The following SLC9A9 variants were observed in gnomAD, a reference collection of about 807,000 sequenced individuals.
SLC9A9 encodes solute carrier family 9 member A9.
Under a neutral mutation model 77.8 loss-of-function variants are expected in SLC9A9, and 62 were observed. The observed-to-expected ratio is 0.80, with a 90% CI of 0.65 to 0.98. The LOEUF (loss-of-function observed/expected upper bound fraction) is 0.98. SLC9A9 is among the 50% of genes least tolerant of loss of function. SLC9A9 has a pLI of 0.00. For synonymous variants in SLC9A9, 320 were observed against 283.5 expected (o/e 1.13, Z -1.29); for missense variants, 775 against 774.9 (o/e 1.00, Z 0.00).
chr3:143,538,286 AG>A (rs2036627378), intron 9 of SLC9A9, among the ~76,000 whole-genome samples: 1 of 152,202 alleles, frequency 6.6e-6, no homozygotes, highest in Non-Finnish European at 1.5e-5. Context: ...GCTTGGATGA[AG>A]CAAAAGACCC....
intron 14 of SLC9A9, among the ~76,000 whole-genome samples, chr3:143,337,869 G>T (rs1307990785): frequency 6.6e-5 from 10 of 152,184 alleles, no homozygotes; most frequent in African/African-American, 2.4e-4. Flanking sequence ...AAGAGCATCT[G>T]CCTGGGTTCT....
At chr3:143,820,678 G>A (rs2009143013) in intron 2 of SLC9A9, among the ~76,000 whole-genome samples, 1 of 152,204 alleles carries the variant, frequency 6.6e-6, no homozygotes, top group Non-Finnish European at 1.5e-5. Flanking sequence ...ACAGGTGCAA[G>A]TGAGAAGAGC....
At chr3:143,481,536 T>A (rs903821135) in intron 11 of SLC9A9, among the ~76,000 whole-genome samples, 5 of 152,022 alleles carry the variant, frequency 3.3e-5, no homozygotes, top group Admixed American at 6.5e-5. Context: ...TCTAGGAGGG[T>A]CTAAAGCCAA....
chr3:143,393,373 G>C (rs1173453619), intron 12 of SLC9A9, among the ~76,000 whole-genome samples: 1 of 152,190 alleles, frequency 6.6e-6, no homozygotes, highest in East Asian at 1.9e-4. Context: ...GGAAATGAAG[G>C]CAGAAATAAA....
chr3:143,574,181 T>C lies in SLC9A9; in HGVS notation c.907A>G (p.Thr303Ala). 1 of 1,613,186 alleles carries C rather than the reference T, an allele frequency of 6.2e-7. No individual in the cohort carries two copies. The highest frequency in any genetic ancestry group is 1.1e-5 in the South Asian group (1 of 91,052). Reference sequence around the variant, plus strand: ...AGCATCGGGAACTCACACAGCTTGGTAAATTTGGTCAAGTGAGGAAGATAA... The same window carrying C: ...AGCATCGGGAACTCACACAGCTTGGCAAATTTGGTCAAGTGAGGAAGATAA... Reference protein sequence around the residue: ...AIITALLTKFTKLCEFPMLET... With the variant: ...AIITALLTKFAKLCEFPMLET... The change falls in exon 8 of 16, where the codon ACC (threonine) becomes GCC (alanine). Residue 303 changes from threonine to alanine, a missense_variant. Thr to Ala is a moderately conservative substitution (Grantham distance 58). Coordinates refer to ENST00000316549, the MANE Select transcript of SLC9A9 (RefSeq NM_173653.4).
At position 143,514,965 on chromosome 3, in the gene SLC9A9, C is replaced by A. The variant is rs547261495; in HGVS notation, c.1090-19517G>T. ...TTGTGCAAGAGACCTAGCTTTCGGC[C>A]TGTCCTGCCTTTTGACATGCCTTCC... On this transcript the variant is annotated intron_variant, in intron 9 of 15. Coordinates refer to ENST00000316549, the MANE Select transcript of SLC9A9 (RefSeq NM_173653.4). Among the ~76,000 whole-genome samples, 34 of 152,318 alleles carry A rather than the reference C, an allele frequency of 2.2e-4. No individual in the cohort carries two copies. The South Asian group carries it at 6.8e-3, about 31-fold the overall frequency.
chr3:143,426,713 T>C (rs760177064), intron 12 of SLC9A9, among the ~76,000 whole-genome samples: 7 of 152,228 alleles, frequency 4.6e-5, no homozygotes, highest in African/African-American at 9.6e-5. Flanking sequence ...GAAATGGGAA[T>C]TATTTAGGTT....
intron 4 of SLC9A9, among the ~76,000 whole-genome samples, chr3:143,747,794 A>C (rs866718945): frequency 7.2e-4 from 110 of 152,366 alleles, no homozygotes; most frequent in African/African-American, 2.6e-3. Flanking sequence ...CGATTGTTTT[A>C]AACTTCCACA....
intron 14 of SLC9A9, among the ~76,000 whole-genome samples, chr3:143,303,728 A>C (rs1422419506): frequency 6.6e-6 from 1 of 152,186 alleles, no homozygotes; most frequent in East Asian, 1.9e-4. Context: ...ACTTGACTCC[A>C]CCTTGTGCTA....
At chr3:143,828,670 A>C (rs2009361157) in intron 2 of SLC9A9, among the ~76,000 whole-genome samples, 1 of 152,136 alleles carries the variant, frequency 6.6e-6, no homozygotes, top group Non-Finnish European at 1.5e-5. Flanking sequence ...CTTCAAGCCA[A>C]AACTCTAGTA....
chr3:143,629,118 T>C lies in SLC9A9; in HGVS notation c.755+23137A>G, dbSNP rs1322233823. ...GACATCATCAAGAGATAAGGTAATG[T>C]CTTAAAAATGTAACTGACTCTAATC... On this transcript the variant is annotated intron_variant, in intron 6 of 15. Transcript: ENST00000316549. Among the ~76,000 whole-genome samples the C allele has an allele frequency of 3.9e-5, 6 of 152,168 alleles. No individual in the cohort carries two copies. The East Asian group carries it at 9.6e-4, about 24-fold the overall frequency.
intron 12 of SLC9A9, among the ~76,000 whole-genome samples, chr3:143,453,140 C>T (rs2035036119): frequency 6.6e-6 from 1 of 151,852 alleles, no homozygotes; most frequent in African/African-American, 2.4e-5. Context: ...AATACTTGAC[C>T]ATTTTTTAGC....
chr3:143,698,706 T>G (rs1227788591), intron 4 of SLC9A9, among the ~76,000 whole-genome samples: 4 of 138,388 alleles, frequency 2.9e-5, no homozygotes, highest in African/African-American at 1.1e-4. Flanking sequence ...CTCCCTCTTC[T>G]TTTTTAAAAA....
At chr3:143,390,530 A>T (rs896497700) in intron 12 of SLC9A9, among the ~76,000 whole-genome samples, 1 of 152,246 alleles carries the variant, frequency 6.6e-6, no homozygotes, top group South Asian at 2.1e-4. Flanking sequence ...TGAGCAACGC[A>T]GAAGACAAGT....
At chr3:143,443,683 G>T (rs1017514074) in intron 12 of SLC9A9, among the ~76,000 whole-genome samples, 1 of 152,138 alleles carries the variant, frequency 6.6e-6, no homozygotes, top group African/African-American at 2.4e-5. Context: ...GGAATAAAAG[G>T]CAATATTCCC....
chr3:143,293,379 G>A (rs570934700), intron 14 of SLC9A9, among the ~76,000 whole-genome samples: 1 of 152,144 alleles, frequency 6.6e-6, no homozygotes, highest in African/African-American at 2.4e-5. Context: ...TCAATATTGT[G>A]TACATAAAGT....
chr3:143,788,102 A>G (rs189138743), intron 4 of SLC9A9, among the ~76,000 whole-genome samples: 1 of 152,040 alleles, frequency 6.6e-6, no homozygotes, highest in African/African-American at 2.4e-5. Flanking sequence ...ATTATAGAAG[A>G]GGTGGTGTAG....
intron 14 of SLC9A9, among the ~76,000 whole-genome samples, chr3:143,340,343 C>A (rs578010075): frequency 2.7e-4 from 41 of 152,294 alleles, no homozygotes; most frequent in African/African-American, 8.9e-4. Context: ...GGAATACATT[C>A]GGGATTTTAC....
intron 4 of SLC9A9, among the ~76,000 whole-genome samples, chr3:143,757,510 G>A (rs2006963105): frequency 6.6e-6 from 1 of 152,068 alleles, no homozygotes; most frequent in African/African-American, 2.4e-5. Flanking sequence ...GGAACTATTG[G>A]CATTTGGAGT....
Sources: allele counts gnomAD v4.1 joint callset (sites outside exome capture counted in the v4.1 genomes callset), GRCh38; gene constraint gnomAD v4.1.1; transcripts MANE v1.5; gene names NCBI Gene and HGNC (gene_info 2026-07-23, HGNC 2026-07-21).